TMTC1: variants seen among roughly 807,000 people sequenced by gnomAD.
TMTC1 encodes protein O-mannosyl-transferase TMTC1.
A neutral mutation model predicts 104.8 loss-of-function variants in TMTC1; 73 were observed. The observed-to-expected ratio is 0.70, with a 90% CI of 0.58 to 0.85. The LOEUF (loss-of-function observed/expected upper bound fraction) is 0.85. Ranked by LOEUF, TMTC1 falls within the 40% of genes least tolerant of loss-of-function variation. The pLI, the probability that TMTC1 is intolerant of heterozygous loss-of-function variation, is 0.00. For missense variants in TMTC1, 1,035 were observed against 1,096.1 expected (o/e 0.94, Z 0.79); for synonymous variants, 434 against 428.7 (o/e 1.01, Z -0.15).
At chr12:29,627,930 C>T (rs1394968374) in intron 6 of TMTC1, among the ~76,000 whole-genome samples, 1 of 152,136 alleles carries the variant, frequency 6.6e-6, no homozygotes, top group Non-Finnish European at 1.5e-5. Flanking sequence ...CCTCCCCATA[C>T]CAAAAAGACG....
At chr12:29,710,955 T>TAA (rs1555190474) in intron 5 of TMTC1, among the ~76,000 whole-genome samples, 1 of 65,766 alleles carries the variant, frequency 1.5e-5, no homozygotes, top group African/African-American at 3.8e-5. Context: ...AATATATATA[T>TAA]AAATATATTA....
At chr12:29,568,738 A>G (rs1290264945) in intron 9 of TMTC1, 1 of 340,318 alleles carries the variant, frequency 2.9e-6, no homozygotes, top group Non-Finnish European at 5.8e-6. Flanking sequence ...CAATATCTTG[A>G]CTTTATTCAG....
At chr12:29,743,883 G>A (rs369539004) in intron 5 of TMTC1, among the ~76,000 whole-genome samples, 10 of 152,278 alleles carry the variant, frequency 6.6e-5, no homozygotes, top group Admixed American at 3.3e-4. Context: ...CCTGCAGCAC[G>A]GTAAGAGCAC....
intron 9 of TMTC1, among the ~76,000 whole-genome samples, chr12:29,557,634 G>A (rs1297002100): frequency 2.0e-5 from 3 of 152,252 alleles, no homozygotes; most frequent in Admixed American, 2.0e-4. Context: ...ATTTTTAGGA[G>A]AGACTGGGTT....
At chr12:29,526,972 A>G (rs1004628417) in intron 11 of TMTC1, among the ~76,000 whole-genome samples, 3 of 152,182 alleles carry the variant, frequency 2.0e-5, no homozygotes, top group African/African-American at 7.2e-5. Context: ...TGCTTCTCAT[A>G]GTTTAACATG....
chr12:29,721,478 C>T (rs1194209564), intron 5 of TMTC1, among the ~76,000 whole-genome samples: 1 of 152,100 alleles, frequency 6.6e-6, no homozygotes, highest in Non-Finnish European at 1.5e-5. Flanking sequence ...AGAAAAGGTT[C>T]TAATCACCAA....
At chr12:29,773,579 T>C (rs1321335823) in intron 1 of TMTC1, among the ~76,000 whole-genome samples, 1 of 152,120 alleles carries the variant, frequency 6.6e-6, no homozygotes, top group East Asian at 1.9e-4. Context: ...GGGTAAGACA[T>C]CATGACTCTA....
intron 6 of TMTC1, among the ~76,000 whole-genome samples, chr12:29,618,993 A>G (rs953921040): frequency 6.6e-6 from 1 of 152,216 alleles, no homozygotes. Flanking sequence ...GTAAAAATTA[A>G]GATTCCTTCT....
At chr12:29,733,316 G>A (rs949889687) in intron 5 of TMTC1, among the ~76,000 whole-genome samples, 11 of 152,104 alleles carry the variant, frequency 7.2e-5, no homozygotes, top group Non-Finnish European at 1.5e-4. Context: ...CCTCCTTCAC[G>A]TCCTCCTTTC....
chr12:29,511,706 G>A (rs1168248649), intron 17 of TMTC1, among the ~76,000 whole-genome samples: 1 of 152,124 alleles, frequency 6.6e-6, no homozygotes, highest in African/African-American at 2.4e-5. Context: ...GCTATACTGA[G>A]CTACTGAGCT....
chr12:29,725,698 T>A (rs948166977), intron 5 of TMTC1, among the ~76,000 whole-genome samples: 3 of 152,228 alleles, frequency 2.0e-5, no homozygotes, highest in African/African-American at 7.2e-5. Context: ...GATGCTCCAG[T>A]AATGAAGTTT....
intron 13 of TMTC1, among the ~76,000 whole-genome samples, chr12:29,517,947 T>C (rs1944038325): frequency 6.6e-6 from 1 of 152,150 alleles, no homozygotes; most frequent in Non-Finnish European, 1.5e-5. Context: ...ACATCTGACC[T>C]CAGGTGATTC....
intron 6 of TMTC1, among the ~76,000 whole-genome samples, chr12:29,622,727 G>C (rs1937741340): frequency 1.3e-5 from 2 of 152,182 alleles, no homozygotes; most frequent in African/African-American, 2.4e-5. Context: ...GAAATTTCTA[G>C]ATTGTTCTCT....
intron 5 of TMTC1, among the ~76,000 whole-genome samples, chr12:29,672,133 T>A (rs1940541217): frequency 6.6e-6 from 1 of 152,188 alleles, no homozygotes; most frequent in African/African-American, 2.4e-5. Flanking sequence ...TGATTGATGG[T>A]GACTCCATCT....
intron 5 of TMTC1, among the ~76,000 whole-genome samples, chr12:29,742,359 A>G (rs1270456876): frequency 3.3e-5 from 5 of 152,194 alleles, no homozygotes. Context: ...CAAGACTTAT[A>G]TAGGTTAAAT....
At chr12:29,522,552 CAA>C (rs1302038466) in intron 11 of TMTC1, among the ~76,000 whole-genome samples, 2 of 102,310 alleles carry the variant, frequency 2.0e-5, no homozygotes, top group Non-Finnish European at 4.2e-5. Context: ...GAAGGACTGA[CAA>C]TGTGTGTGTG....
intron 6 of TMTC1, among the ~76,000 whole-genome samples, chr12:29,604,664 C>T (rs1946651605): frequency 6.6e-6 from 1 of 152,216 alleles, no homozygotes; most frequent in Non-Finnish European, 1.5e-5. Flanking sequence ...AGCAAAGCAA[C>T]TGGCTAAAAT....
At chr12:29,554,071 T>G (rs1465411853) in intron 10 of TMTC1, among the ~76,000 whole-genome samples, 1 of 152,230 alleles carries the variant, frequency 6.6e-6, no homozygotes, top group Non-Finnish European at 1.5e-5. Flanking sequence ...CAGGATTTTA[T>G]ATAACCAGTA....
intron 5 of TMTC1, among the ~76,000 whole-genome samples, chr12:29,741,332 T>G (rs1942819195): frequency 6.6e-6 from 1 of 152,246 alleles, no homozygotes; most frequent in South Asian, 2.1e-4. Flanking sequence ...GATCAACCTC[T>G]AACTCTCACA....
Sources: allele counts gnomAD v4.1 joint callset (sites outside exome capture counted in the v4.1 genomes callset), GRCh38; gene constraint gnomAD v4.1.1; transcripts MANE v1.5; gene names NCBI Gene and HGNC (gene_info 2026-07-23, HGNC 2026-07-21).